ADGRG6: variants seen among roughly 807,000 people sequenced by gnomAD.
The protein encoded by ADGRG6 is G-protein coupled receptor 126.
Under a neutral mutation model 142.4 loss-of-function variants are expected in ADGRG6, and 84 were observed. That is an observed-to-expected ratio of 0.59 (90% confidence interval 0.49 to 0.71). ADGRG6 has a LOEUF of 0.71. Among genes scored for constraint, ADGRG6 ranks in the 30% least tolerant of loss-of-function variants. ADGRG6 has a pLI of 0.00. For synonymous variants in ADGRG6, 521 were observed against 520.5 expected (o/e 1.00, Z -0.01); for missense variants, 1,367 against 1,466.6 (o/e 0.93, Z 1.11).
Position 142,341,642 on chromosome 6 carries a change from A to G in ADGRG6, c.104-25927A>G, listed in dbSNP as rs558618792. ...GTAGTATATATAATATATAATATAT[A>G]TAATATATACTATATAGTATATATA... On this transcript the variant is annotated intron_variant, in intron 2 of 24. Coordinates refer to ENST00000367609, the MANE Select transcript of ADGRG6 (RefSeq NM_198569.3). Among the ~76,000 whole-genome samples, 39 of 133,054 alleles carry G rather than the reference A, an allele frequency of 2.9e-4. No homozygotes were observed. The East Asian group carries it at 4.6e-3, about 16-fold the overall frequency. The allele number at this position is 133,054 out of a possible 152,430, so 87.3% of individuals were successfully genotyped here. A position where few individuals can be genotyped will look rare whatever the true frequency, so the allele number is the denominator to read the frequency against.
intron 2 of ADGRG6, among the ~76,000 whole-genome samples, chr6:142,326,513 C>CTT (rs796807185): frequency 8.6e-5 from 12 of 139,374 alleles, no homozygotes; most frequent in African/African-American, 3.2e-4. Context: ...AGACTCTTGG[C>CTT]TTTTTTTTTT....
At chr6:142,437,904 A>AG in intron 23 of ADGRG6, 1 of 256,460 alleles carries the variant, frequency 3.9e-6, no homozygotes, top group Non-Finnish European at 7.2e-6. Context: ...AAAAAAAAAA[A>AG]AAAAACTGAA....
chr6:142,331,282 G>A (rs1374394961), intron 2 of ADGRG6, among the ~76,000 whole-genome samples: 1 of 151,870 alleles, frequency 6.6e-6, no homozygotes, highest in East Asian at 1.9e-4. Flanking sequence ...CCTCCCCTCT[G>A]AATCTTATGG....
Position 142,302,343 on chromosome 6 carries a change from C to A in ADGRG6, c.2+12C>A, listed in dbSNP as rs1777264298. On this transcript the variant is annotated intron_variant, in intron 1 of 24. Coordinates refer to ENST00000367609, the MANE Select transcript of ADGRG6 (RefSeq NM_198569.3). ...AGTAATGTCAACATGTAAGTCTCACCTTTCAGCTTGGAATTCCTTCACTCT... is the reference window on the plus strand; with the variant it reads ...AGTAATGTCAACATGTAAGTCTCACATTTCAGCTTGGAATTCCTTCACTCT... 1 of 1,612,358 alleles carries A rather than the reference C, an allele frequency of 6.2e-7. No homozygotes were observed. The highest frequency in any genetic ancestry group is 1.7e-5 in the Admixed American group (1 of 59,812).
At chr6:142,421,840 A>C (rs1336132118) in intron 22 of ADGRG6, among the ~76,000 whole-genome samples, 1 of 152,220 alleles carries the variant, frequency 6.6e-6, no homozygotes. Flanking sequence ...AATTCAGAAC[A>C]GATTTCAGCA....
At chr6:142,304,266 T>C (rs1777373802) in intron 1 of ADGRG6, among the ~76,000 whole-genome samples, 1 of 152,294 alleles carries the variant, frequency 6.6e-6, no homozygotes, top group South Asian at 2.1e-4. Context: ...GCCTCCTCCT[T>C]GTGGAGAAAG....
chr6:142,323,579 A>G (rs1172440784), intron 2 of ADGRG6, among the ~76,000 whole-genome samples: 3 of 152,130 alleles, frequency 2.0e-5, no homozygotes, highest in Non-Finnish European at 1.5e-5. Flanking sequence ...CGACAAAGGT[A>G]TGTTCTAAGA....
chr6:142,415,025 C>A lies in ADGRG6; in HGVS notation c.2598C>A (p.Phe866Leu). 1 of 1,611,084 alleles carries A rather than the reference C, an allele frequency of 6.2e-7. No homozygotes were observed. Among genetic ancestry groups the A allele is most frequent in the Non-Finnish European group, 8.5e-7 (1 of 1,178,192 alleles). The change falls in exon 19 of 25, where the codon TTC becomes TTA. Residue 866 changes from phenylalanine to leucine, a missense_variant. By Grantham distance (22) the Phe-to-Leu change is conservative (BLOSUM62 0). Transcript: ENST00000367609. ...LDARNTKVLT[F>L]ISYIGCGISA... ...CAAGAAACACTAAAGTCCTCACTTT[C>A]ATCAGCTATATTGGGTGTGGAATAT...
intron 1 of ADGRG6, among the ~76,000 whole-genome samples, 176 bp from the exon 2 acceptor site, chr6:142,309,368 T>G (rs1777647959): frequency 6.6e-6 from 1 of 151,898 alleles, no homozygotes; most frequent in African/African-American, 2.4e-5. Flanking sequence ...TTTTGCTAAT[T>G]AGCTTGAAGG....
At chr6:142,346,752 A>G (rs964906927) in intron 2 of ADGRG6, among the ~76,000 whole-genome samples, 4 of 152,050 alleles carry the variant, frequency 2.6e-5, no homozygotes, top group African/African-American at 4.8e-5. Flanking sequence ...GGAAACCAGC[A>G]TTCTCAGGAA....
At position 142,387,516 on chromosome 6, in the gene ADGRG6, A is replaced by G. The variant is rs563247654; in HGVS notation, c.1223-2742A>G. Among the ~76,000 whole-genome samples the G allele has an allele frequency of 7.2e-5, 11 of 152,352 alleles. No individual in the cohort carries two copies. In the South Asian group the frequency reaches 1.0e-3, roughly 14 times the overall value. ...ATGTAGGAGCTGCAGGATGCCAGTC[A>G]TATTGTAAATGCCACTGTCGTAATA... is the stretch of plus-strand genomic sequence containing the variant. On this transcript the variant is annotated intron_variant, in intron 6 of 24. Transcript: ENST00000367609.
At chr6:142,324,632 C>T (rs1778672837) in intron 2 of ADGRG6, among the ~76,000 whole-genome samples, 1 of 151,982 alleles carries the variant, frequency 6.6e-6, no homozygotes. Context: ...ATGTGTGTAC[C>T]CAGGTGACCA....
intron 22 of ADGRG6, among the ~76,000 whole-genome samples, chr6:142,427,391 C>A (rs1218569306): frequency 6.6e-6 from 1 of 152,188 alleles, no homozygotes; most frequent in Admixed American, 6.5e-5. Flanking sequence ...TGCCCCAGTT[C>A]TCAACAAGTT....
chr6:142,433,632 C>T (rs1231144547), intron 22 of ADGRG6, among the ~76,000 whole-genome samples: 1 of 152,220 alleles, frequency 6.6e-6, no homozygotes, highest in Non-Finnish European at 1.5e-5. Context: ...CAGGCCAGGA[C>T]AGTGTGCAGC....
intron 18 of ADGRG6, among the ~76,000 whole-genome samples, chr6:142,414,289 T>C (rs999761528): frequency 3.9e-5 from 6 of 152,184 alleles, no homozygotes; most frequent in Non-Finnish European, 1.5e-5. Flanking sequence ...CACTGGAAAG[T>C]ATTTACTTCT....
In ADGRG6 at chr6:142,444,596, C is replaced by T. The variant is rs1219351212; in HGVS notation, c.*1081C>T. The T allele has an allele frequency of 6.6e-6, 1 of 152,136 alleles. No homozygotes were observed. The highest frequency in any genetic ancestry group is 2.4e-5 in the African/African-American group (1 of 41,442). The allele number at this position is 152,136 out of a possible 1,614,324, so 9.4% of individuals were successfully genotyped here. On this transcript the variant is annotated 3_prime_UTR_variant, in exon 25 of 25. Coordinates refer to ENST00000367609, the MANE Select transcript of ADGRG6 (RefSeq NM_198569.3). ...AAGAGCTGGGTCTGCAATAGCTAGT[C>T]TAAAAACTACTTGTGTGTCAGTCCT...
rs374196258 is a variant in ADGRG6, at chr6:142,403,902, C to T, written c.2056C>T (p.Leu686=). 64 of 1,609,988 alleles carry T rather than the reference C, an allele frequency of 4.0e-5. No homozygotes were observed. The highest frequency in any genetic ancestry group is 5.4e-5 in the Non-Finnish European group (64 of 1,176,588). ...GAACTTGGCTCTCAGCGTATCATCC[C>T]TGTTACCAGGGACAAATGCAATTTC... is the stretch of plus-strand genomic sequence containing the variant. The part of the protein sequence containing the change: ...TRNLALSVSS[L]LPGTNAISNF... The change falls in exon 14 of 25, where the codon CTG becomes TTG. Residue 686 remains leucine, a synonymous_variant. Transcript: ENST00000367609.
At chr6:142,423,171 T>C (rs1321324417) in intron 22 of ADGRG6, among the ~76,000 whole-genome samples, 1 of 140,716 alleles carries the variant, frequency 7.1e-6, no homozygotes, top group Admixed American at 7.1e-5. Flanking sequence ...TTAGTTTAAT[T>C]AGATCCCATT....
chr6:142,419,716 T>G, intron 21 of ADGRG6, 105 bp from the exon 22 acceptor site: 1 of 804,072 alleles, frequency 1.2e-6, no homozygotes, highest in Non-Finnish European at 1.9e-6. Context: ...TCTAAAGACA[T>G]TTGAGAGGAA....
Sources: gnomAD v4.1 joint callset for allele counts (sites outside exome capture counted in the v4.1 genomes callset) on GRCh38, gnomAD v4.1.1 for gene constraint, MANE v1.5 for transcripts, NCBI Gene and HGNC (gene_info 2026-07-23, HGNC 2026-07-21) for gene names.